The following ACBD6 variants were observed in gnomAD, a reference collection of about 807,000 sequenced individuals.
ACBD6 encodes acyl-CoA binding domain containing 6, also known as acyl-CoA-binding domain-containing protein 6.
A neutral mutation model predicts 37.2 loss-of-function variants in ACBD6; 28 were observed. The observed-to-expected ratio is 0.75, with a 90% CI of 0.56 to 1.03. The LOEUF (loss-of-function observed/expected upper bound fraction) is 1.03, where lower values mean the gene tolerates loss of function less well. Ranked by LOEUF, ACBD6 falls within the 50% of genes least tolerant of loss-of-function variation. The pLI is 0.00. For missense variants in ACBD6, 340 were observed against 337.4 expected, an observed-to-expected ratio of 1.01 and a Z score of -0.06; for synonymous variants, 113 against 126.8, an observed-to-expected ratio of 0.89 and a Z score of 0.73.
chr1:180,413,319 G>T, intron 5 of ACBD6, 47 bp downstream of exon 5: 1 of 1,473,278 alleles, frequency 6.8e-7, no homozygotes, highest in Non-Finnish European at 9.5e-7. Flanking sequence ...CACTGGGGCA[G>T]AACAACCATG....
chr1:180,372,097 C>A (rs1007770078), intron 6 of ACBD6, among the ~76,000 whole-genome samples: 1 of 151,844 alleles, frequency 6.6e-6, no homozygotes, highest in African/African-American at 2.4e-5. Context: ...CAACAATATA[C>A]CACATAAAAG....
chr1:180,304,451 T>C (rs1650265704), intron 7 of ACBD6, among the ~76,000 whole-genome samples: 1 of 150,842 alleles, frequency 6.6e-6, no homozygotes, highest in Non-Finnish European at 1.5e-5. Flanking sequence ...CAAGCATTCT[T>C]ATACAACAAT....
intron 3 of ACBD6, chr1:180,435,288 G>A (rs1274590986): frequency 9.6e-5 from 51 of 529,878 alleles, no homozygotes; most frequent in Middle Eastern, 5.3e-4. Flanking sequence ...TTGCTCTGTC[G>A]CCCAGGTTGG....
At chr1:180,450,408 T>C (rs1465571734) in intron 3 of ACBD6, among the ~76,000 whole-genome samples, 2 of 152,146 alleles carry the variant, frequency 1.3e-5, no homozygotes, top group East Asian at 1.9e-4. Context: ...AGAACAATTT[T>C]AGAAATCAGA....
At chr1:180,339,043 G>A (rs1651861892) in intron 6 of ACBD6, among the ~76,000 whole-genome samples, 2 of 152,248 alleles carry the variant, frequency 1.3e-5, no homozygotes, top group Non-Finnish European at 2.9e-5. Flanking sequence ...AGGTGCTAGA[G>A]AGGATGTGGA....
chr1:180,368,253 G>A (rs951442442), intron 6 of ACBD6, among the ~76,000 whole-genome samples: 5 of 150,750 alleles, frequency 3.3e-5, no homozygotes, highest in Non-Finnish European at 7.4e-5. Flanking sequence ...GTAAATTTAA[G>A]TTATTTACAG....
At chr1:180,464,324 A>G (rs1488353002) in intron 3 of ACBD6, among the ~76,000 whole-genome samples, 1 of 152,196 alleles carries the variant, frequency 6.6e-6, no homozygotes, top group African/African-American at 2.4e-5. Context: ...TCAGCTGATA[A>G]ACAACTTCAG....
intron 5 of ACBD6, among the ~76,000 whole-genome samples, chr1:180,407,376 A>G (rs67071426): frequency 0.11 from 16,857 of 152,286 alleles, 1,376 homozygotes; most frequent in African/African-American, 0.22. Flanking sequence ...ACAAAATGGC[A>G]GAAACAATAC....
chr1:180,481,920 C>T (rs1651061902), intron 3 of ACBD6, among the ~76,000 whole-genome samples: 1 of 152,070 alleles, frequency 6.6e-6, no homozygotes, highest in South Asian at 2.1e-4. Flanking sequence ...AGTCTATGGG[C>T]TGGATGGAGT....
chr1:180,338,922 A>G (rs980465499), intron 6 of ACBD6, among the ~76,000 whole-genome samples: 1 of 152,276 alleles, frequency 6.6e-6, no homozygotes, highest in African/African-American at 2.4e-5. Flanking sequence ...CAAAAGACAC[A>G]TGAAAAGATG....
At chr1:180,452,893 A>C (rs944385339) in intron 3 of ACBD6, among the ~76,000 whole-genome samples, 4 of 152,208 alleles carry the variant, frequency 2.6e-5, no homozygotes, top group Admixed American at 1.3e-4. Flanking sequence ...ATAGACCAAT[A>C]ACAAGTTCTG....
In ACBD6 at chr1:180,413,375, T is replaced by G; in HGVS notation, c.564A>C (p.Lys188Asn). 6.2e-7 allele frequency: 1 copy of G among 1,612,524 alleles called. No homozygotes were observed. The change falls in exon 5 of 8, where the codon AAA becomes AAC. Residue 188 changes from lysine to asparagine, a missense_variant. Transcript: ENST00000367595. ...IKSKNVDVNV[K>N]DEEGRALLHW... Reference sequence around the variant, plus strand: ...GGCATGTTTTTCATACCTCTTCATCTTTCACATTCACATCCACATTTTTCG... The same window carrying G: ...GGCATGTTTTTCATACCTCTTCATCGTTCACATTCACATCCACATTTTTCG...
chr1:180,373,049 T>C (rs1220878131), intron 6 of ACBD6, among the ~76,000 whole-genome samples: 1 of 152,150 alleles, frequency 6.6e-6, no homozygotes, highest in Non-Finnish European at 1.5e-5. Context: ...TAATTAGAAT[T>C]AGCTAGGCCG....
chr1:180,419,535 TAAAC>T (rs1285224056), intron 4 of ACBD6, among the ~76,000 whole-genome samples: 3 of 152,168 alleles, frequency 2.0e-5, no homozygotes, highest in South Asian at 2.1e-4. Context: ...AGTTGACCCT[TAAAC>T]AACACGGAGG....
intron 4 of ACBD6, among the ~76,000 whole-genome samples, chr1:180,423,309 T>C (rs1648448316): frequency 6.6e-6 from 1 of 152,222 alleles, no homozygotes; most frequent in Non-Finnish European, 1.5e-5. Flanking sequence ...TGAATCACAA[T>C]TCCTGCATCA....
chr1:180,424,165 TTAC>T (rs1297657956), intron 4 of ACBD6, among the ~76,000 whole-genome samples: 4 of 152,168 alleles, frequency 2.6e-5, no homozygotes, highest in Admixed American at 2.6e-4. Context: ...AACAGCAGCG[TTAC>T]TAACTATGTG....
At chr1:180,464,124 C>T (rs1650256339) in intron 3 of ACBD6, among the ~76,000 whole-genome samples, 1 of 151,924 alleles carries the variant, frequency 6.6e-6, no homozygotes, top group Non-Finnish European at 1.5e-5. Context: ...GCTGGAAGTG[C>T]TCCCCTTGAA....
chr1:180,288,274 G>T lies in ACBD6; in HGVS notation c.*89C>A. 1.3e-6 allele frequency: 2 copies of T among 1,571,270 alleles called. No homozygotes were observed. Among genetic ancestry groups the T allele is most frequent in the Non-Finnish European group, 1.7e-6 (2 of 1,148,758 alleles). On this transcript the variant is annotated 3_prime_UTR_variant, in exon 8 of 8. Coordinates refer to ENST00000367595, the MANE Select transcript of ACBD6 (RefSeq NM_032360.4). ...ATTTTATTAGCCAATACATACCAAA[G>T]ACGGGTGGAAAAGAAGTATTATTTT...
chr1:180,306,087 G>A (rs1171815273), intron 7 of ACBD6, among the ~76,000 whole-genome samples: 7 of 135,676 alleles, frequency 5.2e-5, no homozygotes, highest in African/African-American at 1.7e-4. Flanking sequence ...ATCACACCCC[G>A]GGGACTGTTG....
Sources: allele counts gnomAD v4.1 joint callset (sites outside exome capture counted in the v4.1 genomes callset), GRCh38; gene constraint gnomAD v4.1.1; transcripts MANE v1.5; gene names NCBI Gene and HGNC (gene_info 2026-07-23, HGNC 2026-07-21).